The following TNNT1 variants were observed in gnomAD, a reference collection of about 807,000 sequenced individuals.
The protein encoded by TNNT1 is troponin T, slow skeletal muscle.
In TNNT1, 53 loss-of-function variants were observed where a neutral mutation model predicts 50.6. The ratio of observed to expected loss-of-function variants is 1.05; its 90% CI spans 0.84 to 1.32. TNNT1 has a LOEUF of 1.32. Among genes scored for constraint, TNNT1 ranks in the 40% most tolerant of loss-of-function variants. TNNT1 has a pLI of 0.00. For synonymous variants in TNNT1, 142 were observed against 138.0 expected (o/e 1.03, Z -0.20); for missense variants, 348 against 381.7 (o/e 0.91, Z 0.74).
chr19:55,146,488 A>C (rs1405581607), intron 4 of TNNT1, 22 bp from the exon 5 acceptor site: 1 of 1,247,232 alleles, frequency 8.0e-7, no homozygotes, highest in African/African-American at 1.8e-5. Context: ...AGGGAGGAGC[A>C]GCGAGGGTTT....
intron 2 of TNNT1, 34 bp downstream of exon 2, chr19:55,147,092 T>G: frequency 1.9e-6 from 3 of 1,613,640 alleles, no homozygotes; most frequent in East Asian, 2.2e-5. Context: ...TCTCCACCAC[T>G]GCACGCCCCA....
chr19:55,147,676 CTGGGGT>C (rs2085599082), intron 1 of TNNT1, among the ~76,000 whole-genome samples: 6 of 45,038 alleles, frequency 1.3e-4, no homozygotes, highest in Admixed American at 4.3e-4. Flanking sequence ...GGAGGAGGGG[CTGGGGT>C]CTGGACTCCT....
rs567057427 is a variant in TNNT1, at chr19:55,147,285, G to C, written c.-11-117C>G. The C allele has an allele frequency of 6.2e-6, 6 of 969,514 alleles. No homozygotes were observed. The East Asian group carries it at 1.6e-4, about 26-fold the overall frequency. The allele number at this position is 969,514 out of a possible 1,614,324, so 60.1% of individuals were successfully genotyped here. A position where few individuals can be genotyped will look rare whatever the true frequency, so the allele number is the denominator to read the frequency against. ...CTGGACTCCTGGGTCTGGACTCCTG[G>C]GTGTGAGAGAGGAGGAGCTGGGGTC... On this transcript the variant is annotated intron_variant, in intron 1 of 13. Coordinates refer to ENST00000588981, the MANE Select transcript of TNNT1 (RefSeq NM_003283.6).
At chr19:55,133,476 G>C (rs1166794074) in intron 13 of TNNT1, 6 of 308,354 alleles carry the variant, frequency 1.9e-5, no homozygotes, top group Non-Finnish European at 3.7e-5. Context: ...TCAGGAGTTC[G>C]AGACCAGCCT....
chr19:55,141,978 A>G, intron 6 of TNNT1, 58 bp from the exon 7 acceptor site: 3 of 1,565,948 alleles, frequency 1.9e-6, no homozygotes, highest in South Asian at 2.2e-5. Flanking sequence ...GCCACCTCCC[A>G]CCTCCGGGAT....
Position 55,133,908 on chromosome 19 carries a change from C to T in TNNT1, c.770G>A (p.Arg257His), listed in dbSNP as rs201401321. 2 of 1,613,770 alleles carry T rather than the reference C, an allele frequency of 1.2e-6. No individual in the cohort carries two copies. Among genetic ancestry groups the T allele is most frequent in the Admixed American group, 3.3e-5 (2 of 60,020 alleles). ...TCACAACTTCTGGGCGTGGCTGATG[C>T]GGTTGTACAGCACGTTGATCTGCGG... ...QKYEINVLYN[R>H]ISHAQKFRKG... The change falls in exon 13 of 14, where the codon CGC becomes CAC. Residue 257 changes from arginine to histidine, a missense_variant. Physicochemically the swap from Arg to His is conservative, Grantham distance 29 (BLOSUM62 0). Coordinates refer to ENST00000588981, the MANE Select transcript of TNNT1 (RefSeq NM_003283.6).
rs77827923 is a variant in TNNT1, at chr19:55,141,476, A to C, written c.193-174T>G. Among the ~76,000 whole-genome samples the C allele has an allele frequency of 3.6e-4, 54 of 151,426 alleles. 1 individual carries two copies. Among genetic ancestry groups the C allele is most frequent in the African/African-American group, 1.3e-3 (53 of 41,346 alleles). ...GCTCTTCCAAGGACAGGCTTCCCAA[A>C]GACGGGAGTGGGGAGTGGGGACCGG... is the stretch of plus-strand genomic sequence containing the variant. On this transcript the variant is annotated intron_variant, in intron 7 of 13. Coordinates refer to ENST00000588981, the MANE Select transcript of TNNT1 (RefSeq NM_003283.6).
intron 1 of TNNT1, chr19:55,148,209 A>G (rs977026720): frequency 4.0e-5 from 6 of 151,844 alleles, no homozygotes; most frequent in Non-Finnish European, 8.8e-5. Context: ...GAAACCGAGG[A>G]CATTTCCTAA....
chr19:55,133,700 G>GA (rs2085289108), intron 13 of TNNT1, 187 bp downstream of exon 13: 1 of 650,352 alleles, frequency 1.5e-6, no homozygotes, highest in African/African-American at 1.9e-5. Flanking sequence ...AAAAAAGAAA[G>GA]AAAAAGAAAA....
chr19:55,140,999 C>A, intron 8 of TNNT1, 39 bp from the exon 9 acceptor site: 7 of 1,608,158 alleles, frequency 4.4e-6, no homozygotes, highest in Non-Finnish European at 6.0e-6. Flanking sequence ...CAGGGACGTA[C>A]CCCCAGTCTT....
intron 10 of TNNT1, 56 bp downstream of exon 10, chr19:55,137,905 C>A: frequency 6.2e-7 from 1 of 1,600,192 alleles, no homozygotes; most frequent in Non-Finnish European, 8.6e-7. Context: ...AGAGGTCTGG[C>A]CCCCAGCCCC....
Position 55,146,680 on chromosome 19 carries a change from C to A in TNNT1, c.73+1G>T. ...CAGACCTGCGGAGTCCGGGACCTCACCTTCCTCCTCCTCCTCCGCAGCCTC... is the reference window on the plus strand; with the variant it reads ...CAGACCTGCGGAGTCCGGGACCTCAACTTCCTCCTCCTCCTCCGCAGCCTC... On this transcript the variant is annotated splice_donor_variant, in intron 4 of 13. Transcript: ENST00000588981. LOFTEE classifies it high-confidence loss of function. The A allele has an allele frequency of 2.0e-6, 3 of 1,496,310 alleles. No individual in the cohort carries two copies. Among genetic ancestry groups the A allele is most frequent in the Non-Finnish European group, 2.7e-6 (3 of 1,119,116 alleles). 92.7% of individuals were successfully genotyped at this position (1,496,310 alleles called of 1,614,324 possible).
rs2085450140 is a variant in TNNT1 at position 55,141,321 on chromosome 19, G to A, written c.193-19C>T. The A allele has an allele frequency of 6.2e-7, 1 of 1,604,294 alleles. No homozygotes were observed. Among genetic ancestry groups the A allele is most frequent in the East Asian group, 2.2e-5 (1 of 44,846 alleles). On this transcript the variant is annotated intron_variant, in intron 7 of 13. Coordinates refer to ENST00000588981, the MANE Select transcript of TNNT1 (RefSeq NM_003283.6). ...GGATGTCCTGCAGGACACACGGGCA[G>A]CCCGTCCTAGGAGACCCTGGAGGGG...
At chr19:55,148,731 T>C (rs79522342) in intron 1 of TNNT1, among the ~76,000 whole-genome samples, 9,984 of 151,898 alleles carry the variant, frequency 0.066, 994 homozygotes, top group African/African-American at 0.21. Context: ...TATCATAATG[T>C]CTCAGATTCC....
At chr19:55,142,097 T>A in intron 6 of TNNT1, 177 bp from the exon 7 acceptor site, 1 of 623,060 alleles carries the variant, frequency 1.6e-6, no homozygotes, top group South Asian at 1.8e-5. Flanking sequence ...AATACCTCAC[T>A]ACTCATGTTT....
At chr19:55,143,930 C>T (rs1363907988) in intron 6 of TNNT1, among the ~76,000 whole-genome samples, 2 of 152,104 alleles carry the variant, frequency 1.3e-5, no homozygotes, top group Non-Finnish European at 2.9e-5. Flanking sequence ...GAGATGGCAG[C>T]CCCACTGTCC....
intron 7 of TNNT1, 112 bp from the exon 8 acceptor site, chr19:55,141,414 G>C: frequency 1.2e-6 from 1 of 807,908 alleles, no homozygotes; most frequent in Non-Finnish European, 2.2e-6. Flanking sequence ...ACGGTATCCA[G>C]CAGGTGGCAG....
intron 9 of TNNT1, 30 bp downstream of exon 9, chr19:55,140,853 T>C (rs990921292): frequency 1.3e-6 from 2 of 1,597,444 alleles, no homozygotes; most frequent in South Asian, 1.1e-5. Context: ...GAAGTAACAT[T>C]TGGGCTCTCA....
intron 7 of TNNT1, among the ~76,000 whole-genome samples, chr19:55,141,624 C>G (rs1357766365): frequency 3.3e-5 from 5 of 151,756 alleles, no homozygotes; most frequent in Non-Finnish European, 5.9e-5. Flanking sequence ...GCTGGGATTA[C>G]AGACACCTGC....
Sources: gnomAD v4.1 joint callset for allele counts (sites outside exome capture counted in the v4.1 genomes callset) on GRCh38, gnomAD v4.1.1 for gene constraint, MANE v1.5 for transcripts, NCBI Gene and HGNC (gene_info 2026-07-23, HGNC 2026-07-21) for gene names.